Variants in RBP2 observed in about 807,000 individuals in gnomAD.
RBP2 encodes retinol binding protein 2.
A neutral mutation model predicts 17.0 loss-of-function variants in RBP2; 17 were observed. The ratio of observed to expected loss-of-function variants is 1.00; its 90% confidence interval spans 0.68 to 1.50. RBP2 has a LOEUF of 1.50. Ranked by LOEUF, RBP2 falls within the 40% of genes most tolerant of loss-of-function variation. RBP2 has a pLI of 0.00. For missense variants in RBP2, 158 were observed against 168.2 expected (o/e 0.94, Z 0.33); for synonymous variants, 48 against 57.1 (o/e 0.84, Z 0.72).
Position 139,453,732 on chromosome 3 carries a change from G to A in RBP2, c.355-566C>T, listed in dbSNP as rs1307244782. On this transcript the variant is annotated intron_variant, in intron 3 of 3. Transcript: ENST00000232217. ...CCTTATTTGACCCTCACTGATCCTCGAAGGAGGAGGGAAAAACATGAGTGT... is the reference window on the plus strand; with the variant it reads ...CCTTATTTGACCCTCACTGATCCTCAAAGGAGGAGGGAAAAACATGAGTGT... Among the ~76,000 whole-genome samples, 6 of 152,312 alleles carry A rather than the reference G, an allele frequency of 3.9e-5. No individual in the cohort carries two copies. The East Asian group carries it at 9.7e-4, about 25-fold the overall frequency.
At chr3:139,453,524 C>T (rs1384501181) in intron 3 of RBP2, among the ~76,000 whole-genome samples, 2 of 152,148 alleles carry the variant, frequency 1.3e-5, no homozygotes, top group East Asian at 3.9e-4. Flanking sequence ...AAGGTAGGGG[C>T]CTGAAAAGAT....
intron 1 of RBP2, among the ~76,000 whole-genome samples, chr3:139,475,640 G>A (rs1006684997): frequency 1.3e-5 from 2 of 152,174 alleles, no homozygotes; most frequent in East Asian, 3.9e-4. Context: ...GATGGAATAA[G>A]GTCAGGCAGC....
At chr3:139,456,306 A>G (rs1278725446) in intron 2 of RBP2, among the ~76,000 whole-genome samples, 1 of 152,102 alleles carries the variant, frequency 6.6e-6, no homozygotes, top group East Asian at 1.9e-4. Flanking sequence ...TTTTTGGTAC[A>G]AATCTGTTTT....
At chr3:139,475,324 T>TAAA (rs397941333) in intron 1 of RBP2, among the ~76,000 whole-genome samples, 53 of 71,586 alleles carry the variant, frequency 7.4e-4, no homozygotes, top group Non-Finnish European at 1.0e-3. Flanking sequence ...GTCCCCAAAA[T>TAAA]AAAAAAAAAA....
intron 1 of RBP2, among the ~76,000 whole-genome samples, chr3:139,462,797 G>T (rs1302867789): frequency 2.0e-5 from 3 of 152,126 alleles, no homozygotes; most frequent in Non-Finnish European, 1.5e-5. Flanking sequence ...ACAGCAGACT[G>T]TTCTGCCTCA....
In RBP2 at chr3:139,469,687, G is replaced by GTCTGTCTGTCTATCTATCTATCTATCTA. The variant is rs1432677359; in HGVS notation, c.73+6699_73+6700insTAGATAGATAGATAGATAGACAGACAGA. Among the ~76,000 whole-genome samples the GTCTGTCTGTCTATCTATCTATCTATCTA allele has an allele frequency of 1.4e-3, 183 of 132,946 alleles. 1 individual carries two copies. The highest frequency in any genetic ancestry group is 2.1e-3 in the Non-Finnish European group (130 of 62,832). The allele number at this position is 132,946 out of a possible 152,430, so 87.2% of individuals were successfully genotyped here. ...TATCTGTCTGTCTGTCTGTCTGTCT[G>GTCTGTCTGTCTATCTATCTATCTATCTA]TCTATCTATCTATCTATCTATCTAT... On this transcript the variant is annotated intron_variant, in intron 1 of 3. Coordinates refer to ENST00000232217, the MANE Select transcript of RBP2 (RefSeq NM_004164.3).
rs761141437 is a variant in RBP2, at chr3:139,454,766, C to A, written c.317G>T (p.Gly106Val). 1 of 1,614,082 alleles carries A rather than the reference C, an allele frequency of 6.2e-7. No individual in the cohort carries two copies. ...GTCCCCCTCAATCCACTGCTTCCAG[C>A]CGCGGTTCTCCTTCTCCCCCTTTTG... The part of the protein sequence containing the change: ...CVQKGEKENR[G>V]WKQWIEGDKL... Residue 106 changes from glycine (G) to valine (V), a missense_variant, in exon 3 of 4, where the codon GGC becomes GTC. By Grantham distance (109) the Gly-to-Val change is moderately radical. Coordinates refer to ENST00000232217, the MANE Select transcript of RBP2 (RefSeq NM_004164.3).
chr3:139,472,640 C>G (rs185241965), intron 1 of RBP2, among the ~76,000 whole-genome samples: 5 of 152,276 alleles, frequency 3.3e-5, no homozygotes, highest in Admixed American at 3.3e-4. Flanking sequence ...GTAAGGAAGC[C>G]TGAGATGGCT....
At position 139,456,043 on chromosome 3, in the gene RBP2, T is replaced by A. The variant is rs1458877348; in HGVS notation, c.253-1213A>T. Among the ~76,000 whole-genome samples, 3 of 152,206 alleles carry A rather than the reference T, an allele frequency of 2.0e-5. No individual in the cohort carries two copies. In the East Asian group the frequency reaches 5.8e-4, roughly 29 times the overall value. ...GGGCCAACCACTTCTGTGCCCAAAT[T>A]AGGCGTGCCCTTCCTGAGATGATTA... On this transcript the variant is annotated intron_variant, in intron 2 of 3. Coordinates refer to ENST00000232217, the MANE Select transcript of RBP2 (RefSeq NM_004164.3).
intron 2 of RBP2, 116 bp from the exon 3 acceptor site, chr3:139,454,946 G>A (rs1310311414): frequency 6.5e-5 from 65 of 1,002,562 alleles, no homozygotes; most frequent in Non-Finnish European, 1.2e-5. Flanking sequence ...TCGAAGGGCA[G>A]AGCCCTCAGC....
intron 2 of RBP2, among the ~76,000 whole-genome samples, chr3:139,461,699 T>TA (rs564966749): frequency 7.2e-5 from 11 of 152,080 alleles, no homozygotes; most frequent in Admixed American, 4.6e-4. Flanking sequence ...CTACATCTCC[T>TA]AAAAAAAATC....
intron 1 of RBP2, among the ~76,000 whole-genome samples, chr3:139,475,043 C>T (rs565653698): frequency 5.3e-5 from 8 of 152,074 alleles, no homozygotes; most frequent in East Asian, 3.9e-4. Flanking sequence ...ATGAAGAGGC[C>T]GGGTGCGGTG....
intron 1 of RBP2, among the ~76,000 whole-genome samples, chr3:139,468,747 G>A (rs1394771804): frequency 6.6e-6 from 1 of 152,062 alleles, no homozygotes; most frequent in Non-Finnish European, 1.5e-5. Context: ...TCCTGGTATG[G>A]TATTTTAACA....
At chr3:139,465,209 G>T (rs773884541) in intron 1 of RBP2, among the ~76,000 whole-genome samples, 8 of 152,106 alleles carry the variant, frequency 5.3e-5, no homozygotes, top group Non-Finnish European at 1.5e-5. Flanking sequence ...GTTTTATGGG[G>T]ATACATAGTG....
At chr3:139,474,200 A>T (rs1933653978) in intron 1 of RBP2, among the ~76,000 whole-genome samples, 1 of 152,240 alleles carries the variant, frequency 6.6e-6, no homozygotes, top group Admixed American at 6.5e-5. Context: ...TTCAAATATC[A>T]CATTCACAAC....
At chr3:139,459,916 T>C (rs1174759471) in intron 2 of RBP2, among the ~76,000 whole-genome samples, 1 of 152,002 alleles carries the variant, frequency 6.6e-6, no homozygotes, top group Non-Finnish European at 1.5e-5. Context: ...AAGAGGATTC[T>C]CTCTCTTTCT....
intron 2 of RBP2, among the ~76,000 whole-genome samples, chr3:139,456,854 A>G (rs1315240523): frequency 6.6e-6 from 1 of 152,178 alleles, no homozygotes; most frequent in Non-Finnish European, 1.5e-5. Context: ...TAAACCTCAC[A>G]TCTTTAAAGG....
rs189394955 is a variant in RBP2 at position 139,465,447 on chromosome 3, C to T, written c.74-3157G>A. 8.5e-5 allele frequency among the ~76,000 whole-genome samples: 13 copies of T among 152,226 alleles called. No individual in the cohort carries two copies. The East Asian group carries it at 9.7e-4, about 11-fold the overall frequency. ...GTTTTATTTTATCCTCATTTTGCCA[C>T]GGCGGAAAAACTGCCTCAGAGAAGT... On this transcript the variant is annotated intron_variant, in intron 1 of 3. Transcript: ENST00000232217.
chr3:139,453,219 C>T, intron 3 of RBP2, 53 bp from the exon 4 acceptor site: 2 of 1,604,520 alleles, frequency 1.2e-6, no homozygotes, highest in South Asian at 2.2e-5. Context: ...TTTCTTCTGC[C>T]CAGCCCTCAG....
Sources: gnomAD v4.1 joint callset for allele counts (sites outside exome capture counted in the v4.1 genomes callset) on GRCh38, gnomAD v4.1.1 for gene constraint, MANE v1.5 for transcripts, NCBI Gene and HGNC (gene_info 2026-07-23, HGNC 2026-07-21) for gene names.